DNAH14: variants seen among roughly 807,000 people sequenced by gnomAD.
DNAH14 encodes the protein dynein axonemal heavy chain 14, also known as axonemal beta dynein heavy chain 14.
DNAH14 carries 478 observed loss-of-function variants against 520.9 expected under a neutral mutation model. That is an observed-to-expected ratio of 0.92 (90% CI 0.85 to 0.99). The LOEUF (loss-of-function observed/expected upper bound fraction) is 0.99. Ranked by LOEUF, DNAH14 falls within the 50% of genes least tolerant of loss-of-function variation. The pLI is 0.00. For synonymous variants in DNAH14, 1,581 were observed against 1,757.2 expected, an observed-to-expected ratio of 0.90 and a Z score of 2.51; for missense variants, 4,831 against 5,234.5, an observed-to-expected ratio of 0.92 and a Z score of 2.38.
chr1:224,957,477 A>G (rs902282539), intron 3 of DNAH14, among the ~76,000 whole-genome samples: 1 of 151,996 alleles, frequency 6.6e-6, no homozygotes, highest in Non-Finnish European at 1.5e-5. Flanking sequence ...CATGGATGAG[A>G]TTGACCAGTG....
At chr1:225,042,075 T>A (rs1362234013) in intron 12 of DNAH14, among the ~76,000 whole-genome samples, 2 of 152,216 alleles carry the variant, frequency 1.3e-5, no homozygotes, top group African/African-American at 4.8e-5. Context: ...TATCTACTCA[T>A]GCTCTTTCAC....
intron 52 of DNAH14, among the ~76,000 whole-genome samples, chr1:225,274,712 C>T (rs1025830093): frequency 6.6e-6 from 1 of 152,186 alleles, no homozygotes; most frequent in South Asian, 2.1e-4. Context: ...CAAATACTTA[C>T]GGAATTGGGT....
intron 81 of DNAH14, among the ~76,000 whole-genome samples, chr1:225,382,713 C>T (rs1403325994): frequency 1.5e-5 from 2 of 136,548 alleles, no homozygotes; most frequent in Non-Finnish European, 3.2e-5. Flanking sequence ...CACTCTGTCT[C>T]AAAAAAAAAA....
intron 68 of DNAH14, chr1:225,338,391 A>G: frequency 1.4e-6 from 1 of 703,452 alleles, no homozygotes; most frequent in Admixed American, 2.2e-5. Flanking sequence ...CCAAACCAAC[A>G]CTTTTCAAAC....
intron 43 of DNAH14, among the ~76,000 whole-genome samples, chr1:225,246,422 TATC>T: frequency 6.6e-6 from 1 of 152,176 alleles, no homozygotes; most frequent in East Asian, 1.9e-4. Context: ...CAAAAGAAAC[TATC>T]ATCAGAGTGA....
chr1:225,108,561 A>T (rs537715286), intron 23 of DNAH14, among the ~76,000 whole-genome samples: 1 of 151,830 alleles, frequency 6.6e-6, no homozygotes, highest in Non-Finnish European at 1.5e-5. Context: ...TTTTTATTGC[A>T]TTTTTTCCTA....
chr1:225,256,292 A>C (rs2092729837), intron 44 of DNAH14, among the ~76,000 whole-genome samples: 1 of 152,170 alleles, frequency 6.6e-6, no homozygotes, highest in South Asian at 2.1e-4. Context: ...AAAAACAGAG[A>C]GAATTAGTGC....
chr1:225,374,211 G>T, intron 77 of DNAH14, among the ~76,000 whole-genome samples: 2 of 49,082 alleles, frequency 4.1e-5, no homozygotes, highest in Non-Finnish European at 8.1e-5. Context: ...AACTATTCTA[G>T]TAAGACAAAT....
chr1:225,387,385 T>TA (rs1553380962), intron 81 of DNAH14, among the ~76,000 whole-genome samples: 21 of 151,812 alleles, frequency 1.4e-4, no homozygotes, highest in Admixed American at 5.2e-4. Flanking sequence ...TAAAGTATAA[T>TA]AATAAATAAA....
Position 225,366,137 on chromosome 1 carries a change from C to T in DNAH14, c.12090+1243C>T, listed in dbSNP as rs550841563. 2.6e-5 allele frequency among the ~76,000 whole-genome samples: 4 copies of T among 152,202 alleles called. No homozygotes were observed. The South Asian group carries it at 8.3e-4, about 32-fold the overall frequency. On this transcript the variant is annotated intron_variant, in intron 76 of 85. Transcript: ENST00000682510. ...TCAGAAAAATACAAATCAAAAACTGCATTAAATTGGCTAAGACTATAACTA... is the reference window on the plus strand; with the variant it reads ...TCAGAAAAATACAAATCAAAAACTGTATTAAATTGGCTAAGACTATAACTA...
chr1:225,176,955 G>A (rs1023742200), intron 36 of DNAH14, among the ~76,000 whole-genome samples: 8 of 152,158 alleles, frequency 5.3e-5, no homozygotes, highest in African/African-American at 1.4e-4. Flanking sequence ...ATGCAGAAGC[G>A]ACTTTGGATC....
intron 73 of DNAH14, chr1:225,357,910 T>C (rs1443449199): frequency 1.2e-5 from 8 of 695,470 alleles, no homozygotes; most frequent in South Asian, 1.1e-4. Flanking sequence ...GGGAAAGGTC[T>C]TTCCTCTGAA....
In DNAH14 at chr1:225,337,433, A is replaced by C; in HGVS notation, c.10248A>C (p.Glu3416Asp). 1 of 1,551,802 alleles carries C rather than the reference A, an allele frequency of 6.4e-7. No individual in the cohort carries two copies. The highest frequency in any genetic ancestry group is 8.7e-7 in the Non-Finnish European group (1 of 1,147,000). ...EGSRLQKLSI[E>D]DSNYTKKIEN... ...CCAGGCTGCAGAAGCTCTCCATTGA[A>C]GACAGCAATTATACCAAAAAAATTG... Residue 3416 changes from glutamate to aspartate, a missense_variant, in exon 67 of 86, where the codon GAA becomes GAC. Coordinates refer to ENST00000682510, the MANE Select transcript of DNAH14 (RefSeq NM_001367479.1).
Position 225,337,444 on chromosome 1 carries a change from A to G in DNAH14, c.10259A>G (p.Tyr3420Cys). Reference protein sequence around the residue: ...LQKLSIEDSNYTKKIENAMKT... With the variant: ...LQKLSIEDSNCTKKIENAMKT... The stretch of plus-strand genomic sequence containing the variant: ...AAGCTCTCCATTGAAGACAGCAATT[A>G]TACCAAAAAAATTGAAAATGCTATG... The change falls in exon 67 of 86, where the codon TAT becomes TGT. Residue 3420 changes from tyrosine (Y) to cysteine (C), a missense_variant. Coordinates refer to ENST00000682510, the MANE Select transcript of DNAH14 (RefSeq NM_001367479.1). 6 of 1,551,870 alleles carry G rather than the reference A, an allele frequency of 3.9e-6. No homozygotes were observed. Among genetic ancestry groups the G allele is most frequent in the Non-Finnish European group, 5.2e-6 (6 of 1,147,018 alleles).
At chr1:225,206,469 A>G (rs1321371756) in intron 40 of DNAH14, among the ~76,000 whole-genome samples, 2 of 152,164 alleles carry the variant, frequency 1.3e-5, no homozygotes, top group African/African-American at 4.8e-5. Flanking sequence ...TATTTTTTCA[A>G]TAGAGGAAGA....
At chr1:224,947,689 G>A (rs1213961295) in intron 1 of DNAH14, among the ~76,000 whole-genome samples, 1 of 151,976 alleles carries the variant, frequency 6.6e-6, no homozygotes, top group Non-Finnish European at 1.5e-5. Context: ...TTTTATGGCT[G>A]TATATTTACG....
chr1:225,358,759 G>A (rs968632874), intron 74 of DNAH14, 107 bp downstream of exon 74: 13 of 1,189,716 alleles, frequency 1.1e-5, no homozygotes, highest in African/African-American at 3.2e-5. Flanking sequence ...TGTCAAGGGC[G>A]AGACCAGGTA....
chr1:225,103,985 G>T (rs1254783664), intron 23 of DNAH14, among the ~76,000 whole-genome samples: 3 of 150,148 alleles, frequency 2.0e-5, no homozygotes, highest in Admixed American at 6.8e-5. Context: ...CAAAGGGAAT[G>T]CTTCCAGTTT....
At chr1:225,280,426 C>A (rs1163136763) in intron 54 of DNAH14, among the ~76,000 whole-genome samples, 1 of 151,910 alleles carries the variant, frequency 6.6e-6, no homozygotes, top group Non-Finnish European at 1.5e-5. Context: ...GGTGAAACCC[C>A]ATCTCTACTA....
Sources: gnomAD v4.1 joint callset for allele counts (sites outside exome capture counted in the v4.1 genomes callset) on GRCh38, gnomAD v4.1.1 for gene constraint, MANE v1.5 for transcripts, NCBI Gene and HGNC (gene_info 2026-07-23, HGNC 2026-07-21) for gene names.